The following SNX24 variants were observed in gnomAD, a reference collection of about 807,000 sequenced individuals.
SNX24 encodes the protein sorting nexin 24.
A neutral mutation model predicts 28.7 loss-of-function variants in SNX24; 22 were observed. That is an observed-to-expected ratio of 0.77 (90% CI 0.55 to 1.10). The LOEUF is 1.10. SNX24 is among the 50% of genes least tolerant of loss of function. The probability of loss-of-function intolerance (pLI) is 0.00; values close to 1 mark genes in which losing one functional copy is unlikely to be tolerated. For missense variants in SNX24, 221 were observed against 201.1 expected, an observed-to-expected ratio of 1.10 and a Z score of -0.60; for synonymous variants, 69 against 71.5, an observed-to-expected ratio of 0.96 and a Z score of 0.18.
At chr5:122,913,521 C>T (rs954745786) in intron 1 of SNX24, among the ~76,000 whole-genome samples, 2 of 152,102 alleles carry the variant, frequency 1.3e-5, no homozygotes, top group East Asian at 1.9e-4. Context: ...GGCTGCCTGG[C>T]GGAGGGGCTC....
In SNX24 at chr5:122,932,198, T is replaced by A. The variant is rs147243108; in HGVS notation, c.61-4536T>A. Among the ~76,000 whole-genome samples, 308 of 152,356 alleles carry A rather than the reference T, an allele frequency of 2.0e-3. 1 individual carries two copies. Among genetic ancestry groups the A allele is most frequent in the Admixed American group, 5.4e-3 (83 of 15,310 alleles). On this transcript the variant is annotated intron_variant, in intron 1 of 6. Coordinates refer to ENST00000261369, the MANE Select transcript of SNX24 (RefSeq NM_014035.4). Reference sequence around the variant, plus strand: ...GAACTGTGGCAAAAATTTAGTCAAATGAACAGAATGATTTTTGTTTTGTTA... The same window carrying A: ...GAACTGTGGCAAAAATTTAGTCAAAAGAACAGAATGATTTTTGTTTTGTTA...
intron 1 of SNX24, among the ~76,000 whole-genome samples, chr5:122,916,864 G>A (rs34665896): frequency 0.026 from 3,972 of 152,248 alleles, 68 homozygotes; most frequent in Non-Finnish European, 0.037. Flanking sequence ...CTCTGTCATG[G>A]TCTTCTTTCT....
chr5:122,958,369 T>G (rs1207257583), intron 3 of SNX24, among the ~76,000 whole-genome samples: 1 of 152,168 alleles, frequency 6.6e-6, no homozygotes, highest in Non-Finnish European at 1.5e-5. Flanking sequence ...TTCTCCTGCC[T>G]CAGCCTCCCA....
chr5:122,994,897 T>C (rs1761998660), intron 3 of SNX24, among the ~76,000 whole-genome samples: 2 of 152,234 alleles, frequency 1.3e-5, no homozygotes, highest in East Asian at 3.8e-4. Flanking sequence ...ATTGCCCAGT[T>C]TTACTGTTTA....
chr5:122,956,670 A>G (rs925095417), intron 3 of SNX24, among the ~76,000 whole-genome samples: 3 of 152,138 alleles, frequency 2.0e-5, no homozygotes, highest in African/African-American at 4.8e-5. Flanking sequence ...AAGGGTTCCA[A>G]TGTCTCCTCC....
intron 1 of SNX24, among the ~76,000 whole-genome samples, chr5:122,877,485 G>A (rs1389060460): frequency 6.6e-6 from 1 of 152,178 alleles, no homozygotes; most frequent in Non-Finnish European, 1.5e-5. Flanking sequence ...GGACATGAGA[G>A]ATTCTGAAAA....
chr5:123,006,952 T>C (rs189792638), intron 6 of SNX24, among the ~76,000 whole-genome samples: 1 of 152,388 alleles, frequency 6.6e-6, no homozygotes, highest in African/African-American at 2.4e-5. Context: ...GGATAGTTCC[T>C]GGATATCATT....
At chr5:122,862,450 C>T (rs375870599) in intron 1 of SNX24, among the ~76,000 whole-genome samples, 13 of 151,432 alleles carry the variant, frequency 8.6e-5, no homozygotes, top group African/African-American at 1.5e-4. Flanking sequence ...CCCGTCTCTC[C>T]GAAAAAAAAG....
chr5:122,848,770 T>A (rs1754767946), intron 1 of SNX24, among the ~76,000 whole-genome samples: 1 of 152,144 alleles, frequency 6.6e-6, no homozygotes, highest in Non-Finnish European at 1.5e-5. Context: ...AATTCAGTAA[T>A]AGGAAGTTTA....
At chr5:122,922,441 C>T (rs950450028) in intron 1 of SNX24, among the ~76,000 whole-genome samples, 11 of 152,032 alleles carry the variant, frequency 7.2e-5, no homozygotes, top group African/African-American at 2.2e-4. Flanking sequence ...TTAGTATAGA[C>T]GGGGTTTCAC....
chr5:123,007,553 T>C, intron 6 of SNX24, 129 bp from the exon 7 acceptor site: 1 of 856,650 alleles, frequency 1.2e-6, no homozygotes, highest in Non-Finnish European at 1.8e-6. Context: ...GGCACATGCC[T>C]GGCGATGCAG....
At chr5:122,956,881 G>T (rs904932279) in intron 3 of SNX24, among the ~76,000 whole-genome samples, 3 of 149,136 alleles carry the variant, frequency 2.0e-5, no homozygotes, top group East Asian at 2.0e-4. Context: ...TAATTGGGTG[G>T]TTTTTTTTTC....
At chr5:122,944,330 A>T (rs1759585373) in intron 2 of SNX24, among the ~76,000 whole-genome samples, 1 of 152,186 alleles carries the variant, frequency 6.6e-6, no homozygotes, top group Non-Finnish European at 1.5e-5. Flanking sequence ...GTAGACATGT[A>T]CACATATTGG....
intron 3 of SNX24, among the ~76,000 whole-genome samples, chr5:122,965,973 A>C (rs1760696343): frequency 6.6e-6 from 1 of 152,224 alleles, no homozygotes; most frequent in Non-Finnish European, 1.5e-5. Flanking sequence ...ATTGTTAATG[A>C]ATCTTGCGGT....
intron 1 of SNX24, among the ~76,000 whole-genome samples, chr5:122,924,126 T>C (rs1362440824): frequency 6.6e-6 from 1 of 152,232 alleles, no homozygotes; most frequent in Non-Finnish European, 1.5e-5. Context: ...AGTGGATGGC[T>C]GAAACTATGG....
intron 3 of SNX24, among the ~76,000 whole-genome samples, chr5:122,964,268 A>AAAAAAAAAAAAC: frequency 6.6e-6 from 1 of 151,084 alleles, no homozygotes. Flanking sequence ...AAAAAAAAAA[A>AAAAAAAAAAAAC]AAAAGAACAA....
intron 2 of SNX24, among the ~76,000 whole-genome samples, chr5:122,942,037 A>G (rs908077206): frequency 1.3e-5 from 2 of 152,126 alleles, no homozygotes; most frequent in African/African-American, 2.4e-5. Flanking sequence ...CAAATACTTT[A>G]CTATTTTAAA....
intron 1 of SNX24, among the ~76,000 whole-genome samples, chr5:122,889,219 T>C (rs555923115): frequency 6.6e-6 from 1 of 152,288 alleles, no homozygotes; most frequent in African/African-American, 2.4e-5. Context: ...GCAAAACTAA[T>C]ACAAAGAATT....
intron 1 of SNX24, among the ~76,000 whole-genome samples, chr5:122,859,009 A>G (rs1163811212): frequency 6.6e-6 from 1 of 152,098 alleles, no homozygotes; most frequent in Non-Finnish European, 1.5e-5. Flanking sequence ...CGGCCTCCCA[A>G]AATGCTAGAA....
Sources: allele counts gnomAD v4.1 joint callset (sites outside exome capture counted in the v4.1 genomes callset), GRCh38; gene constraint gnomAD v4.1.1; transcripts MANE v1.5; gene names NCBI Gene and HGNC (gene_info 2026-07-23, HGNC 2026-07-21).